Variants in IRGM observed in about 807,000 individuals in gnomAD.
IRGM encodes the protein immunity related GTPase M.
For missense variants in IRGM, 288 were observed against 219.9 expected (o/e 1.31, Z -1.96); for synonymous variants, 98 against 80.6 (o/e 1.22, Z -1.16).
At chr5:150,875,032 T>C (rs1581648165) in intron 1 of IRGM, among the ~76,000 whole-genome samples, 1 of 152,164 alleles carries the variant, frequency 6.6e-6, no homozygotes, top group Admixed American at 6.5e-5. Flanking sequence ...GTATACGTAA[T>C]TGGGCTTGAG....
chr5:150,846,728 A>G lies in IRGM; in HGVS notation c.-908A>G, dbSNP rs574622271. 1 of 152,596 alleles carries G rather than the reference A, an allele frequency of 6.6e-6. No individual in the cohort carries two copies. The highest frequency in any genetic ancestry group is 6.5e-5 in the Admixed American group (1 of 15,302). The allele number at this position is 152,596 out of a possible 1,614,324, so 9.5% of individuals were successfully genotyped here. On this transcript the variant is annotated 5_prime_UTR_variant, in exon 1 of 2. Transcript: ENST00000522154. Reference sequence around the variant, plus strand: ...ACAACTCCAGACTCGCCGCCTGAAGAGCTGTAACTCTCACTTCGAAGGTCT... The same window carrying G: ...ACAACTCCAGACTCGCCGCCTGAAGGGCTGTAACTCTCACTTCGAAGGTCT...
intron 1 of IRGM, among the ~76,000 whole-genome samples, chr5:150,873,916 C>T (rs1220155625): frequency 1.3e-5 from 2 of 152,164 alleles, no homozygotes; most frequent in South Asian, 2.1e-4. Flanking sequence ...GTTGGTGATT[C>T]CCACTACATC....
rs1050459732 is a variant in IRGM at position 150,848,092 on chromosome 5, C to G, written c.-32C>G. ...CTGGGATTACAGGCATGAGCCACGG[C>G]GCCTGGCCAGCATTGGGGTATTTTA... On this transcript the variant is annotated 5_prime_UTR_variant, in exon 2 of 2. Transcript: ENST00000522154. 2 of 1,503,698 alleles carry G rather than the reference C, an allele frequency of 1.3e-6. No homozygotes were observed. Among genetic ancestry groups the G allele is most frequent in the African/African-American group, 2.8e-5 (2 of 71,806 alleles). The allele number at this position is 1,503,698 out of a possible 1,614,324, so 93.1% of individuals were successfully genotyped here.
intron 2 of IRGM, among the ~76,000 whole-genome samples, chr5:150,879,223 A>G (rs1022412302): frequency 2.0e-5 from 3 of 152,222 alleles, no homozygotes; most frequent in Admixed American, 6.5e-5. Context: ...TTATCCAAAA[A>G]TTTAATTGCA....
At chr5:150,864,712 G>A (rs1053940204) in intron 1 of IRGM, among the ~76,000 whole-genome samples, 29 of 152,140 alleles carry the variant, frequency 1.9e-4, no homozygotes, top group South Asian at 4.1e-4. Context: ...ATTTTCCCCC[G>A]TCTGTCCAAA....
At chr5:150,896,875 AC>A in intron 3 of IRGM, 1 of 1,613,686 alleles carries the variant, frequency 6.2e-7, no homozygotes, top group Non-Finnish European at 8.5e-7. Flanking sequence ...AAAATGGAGC[AC>A]AATGAACCAT....
At chr5:150,880,184 T>C (rs1421031451) in intron 3 of IRGM, among the ~76,000 whole-genome samples, 1 of 152,192 alleles carries the variant, frequency 6.6e-6, no homozygotes, top group African/African-American at 2.4e-5. Context: ...ATTCAGTCAA[T>C]TGTGGGAGAT....
chr5:150,895,703 C>T, intron 3 of IRGM: 1 of 1,613,502 alleles, frequency 6.2e-7, no homozygotes, highest in Non-Finnish European at 8.5e-7. Flanking sequence ...TGTGAATTCT[C>T]TGATGTCCAA....
chr5:150,898,659 A>G, intron 3 of IRGM: 1 of 1,324,588 alleles, frequency 7.5e-7, no homozygotes, highest in Non-Finnish European at 1.0e-6. Context: ...AGTTTTTGGG[A>G]AAAACAAAAT....
intron 3 of IRGM, chr5:150,895,698 A>G (rs868280625): frequency 6.2e-7 from 1 of 1,613,178 alleles, no homozygotes; most frequent in Non-Finnish European, 8.5e-7. Context: ...TCCTGTGTGA[A>G]TTCTCTGATG....
intron 3 of IRGM, chr5:150,898,354 A>G: frequency 1.2e-6 from 2 of 1,610,966 alleles, no homozygotes; most frequent in South Asian, 1.1e-5. Flanking sequence ...GTCAGGAACA[A>G]TCTAATCACA....
Position 150,848,213 on chromosome 5 carries a change from C to G in IRGM, c.90C>G (p.Ser30=). The G allele has an allele frequency of 6.4e-7, 1 of 1,551,764 alleles. No individual in the cohort carries two copies. ...TCAAGGAGACTCTGAAGATAGTGTC[C>G]AGGACACCAGTTAACATCACTATGG... ...SNIKETLKIV[S]RTPVNITMAG... is the part of the protein sequence containing the mutation. Residue 30 remains serine (S), a synonymous_variant, in exon 2 of 2, where the codon TCC becomes TCG. Coordinates refer to ENST00000522154, the MANE Select transcript of IRGM (RefSeq NM_001145805.2).
At chr5:150,892,254 C>CTGCA (rs1754621532) in intron 3 of IRGM, among the ~76,000 whole-genome samples, 1 of 151,202 alleles carries the variant, frequency 6.6e-6, no homozygotes, top group Non-Finnish European at 1.5e-5. Flanking sequence ...ATAGGAGCAT[C>CTGCA]TGCATGCAAG....
intron 1 of IRGM, among the ~76,000 whole-genome samples, chr5:150,871,232 T>G (rs529925456): frequency 6.6e-6 from 1 of 152,326 alleles, no homozygotes; most frequent in South Asian, 2.1e-4. Context: ...TGATACTTGG[T>G]ACTTCTGAAA....
At chr5:150,867,395 G>T (rs908561472) in intron 1 of IRGM, among the ~76,000 whole-genome samples, 12 of 152,194 alleles carry the variant, frequency 7.9e-5, no homozygotes, top group African/African-American at 2.9e-4. Flanking sequence ...GGGCATTTGG[G>T]CTGGTTCTAT....
chr5:150,885,770 C>G (rs1229513583), intron 3 of IRGM, among the ~76,000 whole-genome samples: 1 of 152,078 alleles, frequency 6.6e-6, no homozygotes, highest in African/African-American at 2.4e-5. Context: ...GATTTTGCAT[C>G]CTGAAACTTG....
chr5:150,854,742 C>T (rs993421424), intron 1 of IRGM, among the ~76,000 whole-genome samples: 1 of 152,166 alleles, frequency 6.6e-6, no homozygotes, highest in Admixed American at 6.5e-5. Flanking sequence ...TTTTAAGATT[C>T]TATTAGTCTT....
chr5:150,866,746 C>T (rs1754214014), intron 1 of IRGM, among the ~76,000 whole-genome samples: 1 of 152,158 alleles, frequency 6.6e-6, no homozygotes, highest in Non-Finnish European at 1.5e-5. Context: ...TAACCTTTAG[C>T]ACATTCATTT....
intron 3 of IRGM, chr5:150,896,623 T>A: frequency 6.2e-7 from 1 of 1,613,690 alleles, no homozygotes; most frequent in South Asian, 1.1e-5. Context: ...CTTGAATTGC[T>A]CTTATAACAA....
Sources: gnomAD v4.1 joint callset for allele counts (sites outside exome capture counted in the v4.1 genomes callset) on GRCh38, gnomAD v4.1.1 for gene constraint, MANE v1.5 for transcripts, NCBI Gene and HGNC (gene_info 2026-07-23, HGNC 2026-07-21) for gene names.